FBXL7: variants seen among roughly 807,000 people sequenced by gnomAD.
FBXL7 encodes F-box and leucine rich repeat protein 7, also known as F-box/LRR-repeat protein 7.
Under a neutral mutation model 38.3 loss-of-function variants are expected in FBXL7, and 12 were observed. That is an observed-to-expected ratio of 0.31 (90% CI 0.20 to 0.51). FBXL7 has a LOEUF of 0.51. Ranked by LOEUF, FBXL7 falls within the 20% of genes least tolerant of loss-of-function variation. The probability of loss-of-function intolerance (pLI) is 0.98; values close to 1 mark genes in which losing one functional copy is unlikely to be tolerated. For missense variants in FBXL7, 567 were observed against 676.4 expected (o/e 0.84, Z 1.79); for synonymous variants, 297 against 300.9 (o/e 0.99, Z 0.13).
At chr5:15,657,103 A>AC (rs1278326617) in intron 2 of FBXL7, among the ~76,000 whole-genome samples, 1 of 152,232 alleles carries the variant, frequency 6.6e-6, no homozygotes, top group African/African-American at 2.4e-5. Context: ...GGAGAGACAG[A>AC]CCACGTTCCT....
At chr5:15,526,896 G>A (rs1737264416) in intron 1 of FBXL7, among the ~76,000 whole-genome samples, 1 of 152,190 alleles carries the variant, frequency 6.6e-6, no homozygotes, top group African/African-American at 2.4e-5. Flanking sequence ...GAAAGTCCTT[G>A]AAACTGTTGT....
chr5:15,879,993 G>A (rs1740375362), intron 2 of FBXL7, among the ~76,000 whole-genome samples: 1 of 152,034 alleles, frequency 6.6e-6, no homozygotes, highest in Non-Finnish European at 1.5e-5. Flanking sequence ...AAGAGTGTTG[G>A]GTCAATCACT....
At chr5:15,702,537 T>C (rs916177277) in intron 2 of FBXL7, among the ~76,000 whole-genome samples, 1 of 152,174 alleles carries the variant, frequency 6.6e-6, no homozygotes, top group Admixed American at 6.5e-5. Flanking sequence ...TGCTTTTTTC[T>C]GTACTGAGTC....
At chr5:15,832,043 C>G (rs1339929775) in intron 2 of FBXL7, among the ~76,000 whole-genome samples, 5 of 152,150 alleles carry the variant, frequency 3.3e-5, no homozygotes, top group East Asian at 1.9e-4. Flanking sequence ...TATAAACTCT[C>G]TACTCTAAAT....
At chr5:15,807,303 A>G (rs1398170772) in intron 2 of FBXL7, among the ~76,000 whole-genome samples, 1 of 152,138 alleles carries the variant, frequency 6.6e-6, no homozygotes, top group Non-Finnish European at 1.5e-5. Flanking sequence ...CCCTTTCTAC[A>G]TGGTGAAATA....
rs1484816861 is a variant in FBXL7 at position 15,927,928 on chromosome 5, C to G, written c.166C>G (p.Pro56Ala). ...CATGCGCACACTGAGCACGCCCAGC[C>G]CAGCCCTGATATGTCCACCGAATCT... ...LSMRTLSTPSPALICPPNLPG... is the reference protein window; with the variant it reads ...LSMRTLSTPSAALICPPNLPG... Residue 56 changes from proline to alanine, a missense_variant, in exon 3 of 4, where the codon CCA becomes GCA. Transcript: ENST00000504595. 6.4e-7 allele frequency: 1 copy of G among 1,550,848 alleles called. No homozygotes were observed. The highest frequency in any genetic ancestry group is 1.9e-5 in the Admixed American group (1 of 53,178).
chr5:15,579,677 G>A (rs1036161158), intron 1 of FBXL7, among the ~76,000 whole-genome samples: 1 of 152,170 alleles, frequency 6.6e-6, no homozygotes, highest in Non-Finnish European at 1.5e-5. Context: ...TTCAGTTCTT[G>A]TGGGTCAAGA....
At chr5:15,927,764 T>TAAAAAA (rs753935096) in intron 2 of FBXL7, 126 bp from the exon 3 acceptor site, 10,369 of 449,726 alleles carry the variant, frequency 0.023, 354 homozygotes, top group Admixed American at 0.052. Flanking sequence ...GACAAGATCT[T>TAAAAAA]AAAAAAAAAA....
chr5:15,685,767 C>G (rs1488443423), intron 2 of FBXL7, among the ~76,000 whole-genome samples: 2 of 152,122 alleles, frequency 1.3e-5, no homozygotes, highest in Non-Finnish European at 2.9e-5. Context: ...TTGTCAGTTA[C>G]CAGGATTCAG....
intron 1 of FBXL7, among the ~76,000 whole-genome samples, chr5:15,585,346 G>A (rs1435285615): frequency 6.6e-6 from 1 of 152,164 alleles, no homozygotes; most frequent in African/African-American, 2.4e-5. Context: ...TAAAAGATAA[G>A]ATTTAGAAAT....
At chr5:15,649,363 T>A (rs1262718491) in intron 2 of FBXL7, among the ~76,000 whole-genome samples, 1 of 152,170 alleles carries the variant, frequency 6.6e-6, no homozygotes, top group Non-Finnish European at 1.5e-5. Context: ...GCCTTCCTTA[T>A]TGGTTGCTGA....
chr5:15,563,816 G>T (rs1468409638), intron 1 of FBXL7, among the ~76,000 whole-genome samples: 1 of 152,024 alleles, frequency 6.6e-6, no homozygotes, highest in Non-Finnish European at 1.5e-5. Flanking sequence ...GGTTGGGAAG[G>T]CTTGATGCCT....
intron 2 of FBXL7, among the ~76,000 whole-genome samples, chr5:15,789,205 TC>T (rs1737210331): frequency 6.6e-6 from 1 of 152,028 alleles, no homozygotes; most frequent in Admixed American, 6.5e-5. Flanking sequence ...AGACCTCATA[TC>T]TTTTTTTTTG....
intron 2 of FBXL7, among the ~76,000 whole-genome samples, chr5:15,620,077 T>G (rs1740577491): frequency 6.6e-6 from 1 of 152,130 alleles, no homozygotes; most frequent in Non-Finnish European, 1.5e-5. Flanking sequence ...GAGATGACAA[T>G]GTTCTGAAAT....
chr5:15,596,919 T>C lies in FBXL7; in HGVS notation c.38-19064T>C, dbSNP rs1490425574. Among the ~76,000 whole-genome samples, 6 of 152,154 alleles carry C rather than the reference T, an allele frequency of 3.9e-5. No homozygotes were observed. The East Asian group carries it at 1.2e-3, about 29-fold the overall frequency. ...TTCATCTCTATCCTTTGCAATATCC[T>C]TTATAGTAAGCCAGTAAACCTAAGT... On this transcript the variant is annotated intron_variant, in intron 1 of 3. Transcript: ENST00000504595.
intron 2 of FBXL7, among the ~76,000 whole-genome samples, chr5:15,838,648 T>G (rs1450196778): frequency 6.6e-6 from 1 of 152,186 alleles, no homozygotes; most frequent in Non-Finnish European, 1.5e-5. Flanking sequence ...TTCAGCTGTA[T>G]TTGGCACTGA....
At chr5:15,697,124 C>A (rs1743365415) in intron 2 of FBXL7, among the ~76,000 whole-genome samples, 1 of 152,066 alleles carries the variant, frequency 6.6e-6, no homozygotes, top group Non-Finnish European at 1.5e-5. Flanking sequence ...TTTGCAGGTA[C>A]CATGTTATCA....
rs544470362 is a variant in FBXL7, at chr5:15,903,095, C to T, written c.128-24795C>T. ...GTTGAAGGCCAAGCAAGCCAAATGACTACATTGAGGGGTAGAGGCCATTTC... is the reference window on the plus strand; with the variant it reads ...GTTGAAGGCCAAGCAAGCCAAATGATTACATTGAGGGGTAGAGGCCATTTC... On this transcript the variant is annotated intron_variant, in intron 2 of 3. Coordinates refer to ENST00000504595, the MANE Select transcript of FBXL7 (RefSeq NM_012304.5). Among the ~76,000 whole-genome samples the T allele has an allele frequency of 8.6e-4, 131 of 152,338 alleles. 1 individual carries two copies. Among genetic ancestry groups the T allele is most frequent in the African/African-American group, 2.8e-3 (116 of 41,582 alleles).
intron 1 of FBXL7, among the ~76,000 whole-genome samples, chr5:15,560,894 C>T (rs1738396526): frequency 6.6e-6 from 1 of 152,034 alleles, no homozygotes; most frequent in African/African-American, 2.4e-5. Flanking sequence ...CTCATACTGT[C>T]TTCTTTTTGG....
Sources: allele counts gnomAD v4.1 joint callset (sites outside exome capture counted in the v4.1 genomes callset), GRCh38; gene constraint gnomAD v4.1.1; transcripts MANE v1.5; gene names NCBI Gene and HGNC (gene_info 2026-07-23, HGNC 2026-07-21).